Variants in CLMN observed in about 807,000 individuals in gnomAD.
CLMN encodes the protein calmin, also known as calmin (calponin-like, transmembrane).
A neutral mutation model predicts 92.7 loss-of-function variants in CLMN; 57 were observed. The ratio of observed to expected loss-of-function variants is 0.61; its 90% CI spans 0.50 to 0.77. The LOEUF (loss-of-function observed/expected upper bound fraction) is 0.77. Among genes scored for constraint, CLMN ranks in the 30% least tolerant of loss-of-function variants. The pLI, the probability that CLMN is intolerant of heterozygous loss-of-function variation, is 0.00. For missense variants in CLMN, 1,158 were observed against 1,237.5 expected, an observed-to-expected ratio of 0.94 and a Z score of 0.96; for synonymous variants, 466 against 470.6, an observed-to-expected ratio of 0.99 and a Z score of 0.13.
At chr14:95,289,506 T>TAAATAAATAAATAAAC (rs1555394622) in intron 1 of CLMN, among the ~76,000 whole-genome samples, 1 of 65,838 alleles carries the variant, frequency 1.5e-5, no homozygotes, top group South Asian at 7.1e-4. Flanking sequence ...AATAAATAAA[T>TAAATAAATAAATAAAC]AAACAAACAA....
chr14:95,246,089 G>A (rs1392158739), intron 1 of CLMN, among the ~76,000 whole-genome samples: 1 of 152,200 alleles, frequency 6.6e-6, no homozygotes, highest in East Asian at 1.9e-4. Context: ...ATAAGCTGCT[G>A]CTCCCAGAGC....
intron 1 of CLMN, among the ~76,000 whole-genome samples, chr14:95,261,310 C>A (rs1371254138): frequency 6.6e-6 from 1 of 152,140 alleles, no homozygotes; most frequent in African/African-American, 2.4e-5. Flanking sequence ...TGGGAACGTG[C>A]GCGTCTGGCT....
intron 7 of CLMN, among the ~76,000 whole-genome samples, chr14:95,209,999 A>G (rs1566868335): frequency 6.6e-6 from 1 of 152,232 alleles, no homozygotes. Flanking sequence ...TGTTATATCT[A>G]AAAGGAAATA....
At chr14:95,239,954 C>T (rs1898188374) in intron 1 of CLMN, among the ~76,000 whole-genome samples, 2 of 152,302 alleles carry the variant, frequency 1.3e-5, no homozygotes, top group South Asian at 2.1e-4. Context: ...CTATTTTTTA[C>T]TGTGCCTCTT....
At chr14:95,269,941 A>C (rs1476308974) in intron 1 of CLMN, among the ~76,000 whole-genome samples, 1 of 150,916 alleles carries the variant, frequency 6.6e-6, no homozygotes, top group African/African-American at 2.5e-5. Context: ...GGACTTCATG[A>C]GAGAGAAAAT....
chr14:95,252,822 G>A (rs1409175193), intron 1 of CLMN, among the ~76,000 whole-genome samples: 1 of 152,240 alleles, frequency 6.6e-6, no homozygotes, highest in Non-Finnish European at 1.5e-5. Context: ...TGTCACGTGT[G>A]ATGCCGGGAG....
intron 1 of CLMN, among the ~76,000 whole-genome samples, chr14:95,263,745 T>C (rs1444072013): frequency 2.0e-5 from 3 of 152,222 alleles, no homozygotes; most frequent in Admixed American, 2.0e-4. Context: ...AAACCTCGGA[T>C]ACATTTTGTA....
intron 1 of CLMN, among the ~76,000 whole-genome samples, chr14:95,248,756 T>C (rs1199661305): frequency 6.6e-6 from 1 of 152,152 alleles, no homozygotes; most frequent in Non-Finnish European, 1.5e-5. Flanking sequence ...AAAGTCTAAA[T>C]GCCATAAAAG....
At chr14:95,245,193 T>A (rs903626654) in intron 1 of CLMN, among the ~76,000 whole-genome samples, 61 of 38,972 alleles carry the variant, frequency 1.6e-3, no homozygotes, top group Admixed American at 3.9e-3. Context: ...TATATATATA[T>A]AATATATATA....
intron 1 of CLMN, among the ~76,000 whole-genome samples, chr14:95,263,932 C>T (rs553535552): frequency 1.3e-5 from 2 of 152,214 alleles, no homozygotes; most frequent in Admixed American, 1.3e-4. Flanking sequence ...ACCTCAGACC[C>T]TCTGAGTCCG....
chr14:95,258,150 T>A (rs188784394), intron 1 of CLMN, among the ~76,000 whole-genome samples: 1 of 151,688 alleles, frequency 6.6e-6, no homozygotes, highest in African/African-American at 2.4e-5. Context: ...GGATATGATA[T>A]GCGTGTAGTG....
chr14:95,204,405 T>G lies in CLMN; in HGVS notation c.944A>C (p.Lys315Thr). 6.2e-7 allele frequency: 1 copy of G among 1,613,616 alleles called. No individual in the cohort carries two copies. Among genetic ancestry groups the G allele is most frequent in the Middle Eastern group, 1.7e-4 (1 of 6,060 alleles). The change falls in exon 9 of 13, where the codon AAA (lysine) becomes ACA (threonine). Residue 315 changes from lysine (K) to threonine (T), a missense_variant. Lys to Thr is a moderately conservative substitution (Grantham distance 78). Transcript: ENST00000298912. ...VPIESTFVRIKETPSEQESKV... is the reference protein window; with the variant it reads ...VPIESTFVRITETPSEQESKV... The stretch of plus-strand genomic sequence containing the variant: ...GCTCTCCTGTTCAGAAGGAGTTTCT[T>G]TGATGCGAACAAAAGTGGATTCGAT...
At position 95,273,982 on chromosome 14, in the gene CLMN, A is replaced by C. The variant is rs115340981; in HGVS notation, c.83-43849T>G. On this transcript the variant is annotated intron_variant, in intron 1 of 12. Coordinates refer to ENST00000298912, the MANE Select transcript of CLMN (RefSeq NM_024734.4). ...GGGTCACGCTCAACTCAGCTGTCTG[A>C]TTCTGAACCTGGCATCCCCTTCGGT... 6.9e-3 allele frequency among the ~76,000 whole-genome samples: 1,053 copies of C among 152,264 alleles called. 9 individuals carry two copies. Among genetic ancestry groups the C allele is most frequent in the African/African-American group, 0.024 (989 of 41,540 alleles).
intron 1 of CLMN, among the ~76,000 whole-genome samples, chr14:95,286,892 A>T (rs1900364960): frequency 6.6e-6 from 1 of 152,170 alleles, no homozygotes; most frequent in Admixed American, 6.5e-5. Flanking sequence ...ACCCCACAGA[A>T]AGTTTGCATG....
intron 1 of CLMN, among the ~76,000 whole-genome samples, chr14:95,292,747 G>T (rs957966315): frequency 6.6e-6 from 1 of 152,058 alleles, no homozygotes; most frequent in East Asian, 1.9e-4. Context: ...AGGATTTGCT[G>T]GGAGCTGGAG....
chr14:95,317,498 C>A (rs184770292), intron 1 of CLMN, among the ~76,000 whole-genome samples: 10 of 151,776 alleles, frequency 6.6e-5, no homozygotes, highest in African/African-American at 2.4e-4. Context: ...GTGAATGAAT[C>A]ATCAAACAGC....
chr14:95,246,102 A>T (rs974283382), intron 1 of CLMN, among the ~76,000 whole-genome samples: 2 of 152,218 alleles, frequency 1.3e-5, no homozygotes, highest in East Asian at 1.9e-4. Context: ...CCCAGAGCTG[A>T]CTGATTCCTA....
intron 1 of CLMN, among the ~76,000 whole-genome samples, chr14:95,284,017 G>T (rs1900242621): frequency 6.6e-6 from 1 of 152,138 alleles, no homozygotes; most frequent in South Asian, 2.1e-4. Flanking sequence ...AGAGGCCCAG[G>T]TGGAAAAAAT....
At chr14:95,202,719 G>A (rs2140573137) in intron 9 of CLMN, 119 bp downstream of exon 9, 1 of 1,136,986 alleles carries the variant, frequency 8.8e-7, no homozygotes, top group East Asian at 2.5e-5. Context: ...TTGCACCATA[G>A]TAGTCCCAAG....
Sources: allele counts gnomAD v4.1 joint callset (sites outside exome capture counted in the v4.1 genomes callset), GRCh38; gene constraint gnomAD v4.1.1; transcripts MANE v1.5; gene names NCBI Gene and HGNC (gene_info 2026-07-23, HGNC 2026-07-21).